The following LRFN5 variants were observed in gnomAD, a reference collection of about 807,000 sequenced individuals.
LRFN5 encodes leucine rich repeat and fibronectin type III domain containing 5, also known as leucine-rich repeat and fibronectin type-III domain-containing protein 5.
A neutral mutation model predicts 45.6 loss-of-function variants in LRFN5; 24 were observed. That is an observed-to-expected ratio of 0.53 (90% CI 0.38 to 0.74). The LOEUF is 0.74. Among genes scored for constraint, LRFN5 ranks in the 30% least tolerant of loss-of-function variants. The probability of loss-of-function intolerance (pLI) is 0.00; values close to 1 mark genes in which losing one functional copy is unlikely to be tolerated. For synonymous variants in LRFN5, 340 were observed against 313.8 expected (o/e 1.08, Z -0.88); for missense variants, 776 against 861.5 (o/e 0.90, Z 1.24).
At chr14:41,694,694 T>C (rs957812090) in intron 1 of LRFN5, among the ~76,000 whole-genome samples, 2 of 151,972 alleles carry the variant, frequency 1.3e-5, no homozygotes, top group Admixed American at 1.3e-4. Context: ...ATGTGTTCAC[T>C]TCATGTCTCT....
At chr14:41,897,527 C>T (rs113674613) in intron 4 of LRFN5, among the ~76,000 whole-genome samples, 2 of 152,100 alleles carry the variant, frequency 1.3e-5, no homozygotes, top group African/African-American at 4.8e-5. Flanking sequence ...TATTTATACT[C>T]ATAACATTAA....
At chr14:41,782,430 CT>C (rs1417025184) in intron 2 of LRFN5, among the ~76,000 whole-genome samples, 1 of 152,022 alleles carries the variant, frequency 6.6e-6, no homozygotes, top group African/African-American at 2.4e-5. Flanking sequence ...GTCATCTGCT[CT>C]TGCATGATGT....
At position 41,891,264 on chromosome 14, in the gene LRFN5, C is replaced by T. The variant is rs369343795; in HGVS notation, c.1400C>T (p.Thr467Met). 4.3e-6 allele frequency: 7 copies of T among 1,613,362 alleles called. No homozygotes were observed. In the East Asian group the frequency reaches 8.9e-5, roughly 21 times the overall value. ...DTLVYRMIPP[T>M]SKTFLVNNLA... ...TTGTCCCTCAGAATGATACCTCCTA[C>T]GAGCAAAACTTTTCTGGTCAATAAT... Residue 467 changes from threonine to methionine, a missense_variant, in exon 4 of 6, where the codon ACG becomes ATG. Thr to Met is a moderately conservative substitution (Grantham distance 81). Coordinates refer to ENST00000298119, the MANE Select transcript of LRFN5 (RefSeq NM_152447.5).
intron 2 of LRFN5, among the ~76,000 whole-genome samples, chr14:41,819,492 C>T (rs1462269800): frequency 1.3e-5 from 2 of 152,108 alleles, no homozygotes; most frequent in East Asian, 3.9e-4. Flanking sequence ...TCTTGCATTG[C>T]TATAAAGAAA....
intron 1 of LRFN5, among the ~76,000 whole-genome samples, chr14:41,622,140 C>A (rs1378905485): frequency 9.7e-6 from 1 of 103,262 alleles, no homozygotes; most frequent in Non-Finnish European, 2.1e-5. Flanking sequence ...TTTTTTTTTT[C>A]ATTTCTTTCA....
At chr14:41,805,811 G>A (rs562282323) in intron 2 of LRFN5, among the ~76,000 whole-genome samples, 1 of 152,260 alleles carries the variant, frequency 6.6e-6, no homozygotes, top group South Asian at 2.1e-4. Context: ...TAGGAGCTGA[G>A]TGACTTCCTG....
intron 1 of LRFN5, among the ~76,000 whole-genome samples, chr14:41,680,457 C>A (rs1881834853): frequency 6.6e-6 from 1 of 152,126 alleles, no homozygotes; most frequent in Non-Finnish European, 1.5e-5. Context: ...GGGAAGACAA[C>A]AAGAGTATCT....
chr14:41,895,145 C>A (rs1408440729), intron 4 of LRFN5: 24 of 707,486 alleles, frequency 3.4e-5, no homozygotes, highest in Non-Finnish European at 4.2e-5. Context: ...TTATTTTTGT[C>A]CCTTTTGAAT....
chr14:41,856,672 A>ATTATTTTTTTTTTTTTTTTTTTTT (rs1889466935), intron 2 of LRFN5, among the ~76,000 whole-genome samples: 1 of 5,984 alleles, frequency 1.7e-4, no homozygotes, highest in African/African-American at 2.8e-4. Context: ...TATTATTATT[A>ATTATTTTTTTTTTTTTTTTTTTTT]TTATTTTTTT....
intron 2 of LRFN5, among the ~76,000 whole-genome samples, chr14:41,848,279 T>G (rs1202273606): frequency 1.3e-5 from 2 of 152,020 alleles, no homozygotes; most frequent in African/African-American, 4.8e-5. Context: ...TATCGTAGAA[T>G]AAGAAGCTGA....
At chr14:41,816,151 C>T (rs1887909864) in intron 2 of LRFN5, among the ~76,000 whole-genome samples, 1 of 151,678 alleles carries the variant, frequency 6.6e-6, no homozygotes, top group Non-Finnish European at 1.5e-5. Context: ...TTCTTCCTCC[C>T]CTCCCTTCCC....
intron 1 of LRFN5, among the ~76,000 whole-genome samples, chr14:41,665,055 A>G (rs1013255457): frequency 6.6e-6 from 1 of 152,012 alleles, no homozygotes; most frequent in African/African-American, 2.4e-5. Flanking sequence ...TTTGCTTATT[A>G]TATCAATATT....
chr14:41,729,637 C>A (rs1884083904), intron 1 of LRFN5, among the ~76,000 whole-genome samples: 1 of 151,934 alleles, frequency 6.6e-6, no homozygotes, highest in Non-Finnish European at 1.5e-5. Flanking sequence ...TAATTTCAAA[C>A]CTTTTAAAAA....
intron 2 of LRFN5, among the ~76,000 whole-genome samples, chr14:41,877,041 C>A (rs1017751374): frequency 8.6e-5 from 13 of 152,024 alleles, no homozygotes; most frequent in African/African-American, 2.4e-4. Flanking sequence ...ATCAGAAAAA[C>A]ACAATATAAA....
intron 1 of LRFN5, among the ~76,000 whole-genome samples, chr14:41,670,667 T>C (rs1376922149): frequency 6.6e-6 from 1 of 151,984 alleles, no homozygotes; most frequent in Non-Finnish European, 1.5e-5. Context: ...AGTTGAGTTA[T>C]AAAATCGTAA....
chr14:41,630,736 T>C (rs973682992), intron 1 of LRFN5, among the ~76,000 whole-genome samples: 7 of 152,138 alleles, frequency 4.6e-5, no homozygotes, highest in African/African-American at 1.7e-4. Context: ...CATAAATTTA[T>C]CTGCTCGAGT....
At chr14:41,704,408 T>TTCTCTCTC (rs141458106) in intron 1 of LRFN5, among the ~76,000 whole-genome samples, 36 of 102,342 alleles carry the variant, frequency 3.5e-4, no homozygotes, top group African/African-American at 6.2e-4. Flanking sequence ...TGTTATACTT[T>TTCTCTCTC]TCTCTCTCTC....
At chr14:41,860,511 C>T (rs551298816) in intron 2 of LRFN5, among the ~76,000 whole-genome samples, 1 of 152,200 alleles carries the variant, frequency 6.6e-6, no homozygotes, top group East Asian at 1.9e-4. Context: ...TAATTTAACA[C>T]CTTACCATGG....
At chr14:41,624,223 T>C (rs1888242628) in intron 1 of LRFN5, among the ~76,000 whole-genome samples, 1 of 152,060 alleles carries the variant, frequency 6.6e-6, no homozygotes, top group Non-Finnish European at 1.5e-5. Flanking sequence ...TTAAGTATAG[T>C]CCAAAACATT....
Sources: gnomAD v4.1 joint callset for allele counts (sites outside exome capture counted in the v4.1 genomes callset) on GRCh38, gnomAD v4.1.1 for gene constraint, MANE v1.5 for transcripts, NCBI Gene and HGNC (gene_info 2026-07-23, HGNC 2026-07-21) for gene names.